Variants in MAP4K4 observed in about 807,000 individuals in gnomAD.
The protein encoded by MAP4K4 is HPK/GCK-like kinase HGK.
Under a neutral mutation model 189.6 loss-of-function variants are expected in MAP4K4, and 38 were observed. That is an observed-to-expected ratio of 0.20 (90% CI 0.15 to 0.26). MAP4K4 has a LOEUF of 0.26. Among genes scored for constraint, MAP4K4 ranks in the 10% least tolerant of loss-of-function variants. MAP4K4 has a pLI of 1.00. For synonymous variants in MAP4K4, 610 were observed against 624.3 expected, an observed-to-expected ratio of 0.98 and a Z score of 0.34; for missense variants, 1,054 against 1,726.9, an observed-to-expected ratio of 0.61 and a Z score of 6.91.
intron 2 of MAP4K4, among the ~76,000 whole-genome samples, chr2:101,759,142 G>GAAA (rs11424551): frequency 1.4e-5 from 2 of 142,928 alleles, no homozygotes; most frequent in Non-Finnish European, 3.0e-5. Context: ...CAAAAAAAAA[G>GAAA]AAAAAAAAAA....
intron 27 of MAP4K4, among the ~76,000 whole-genome samples, chr2:101,880,974 CT>C (rs2098371475): frequency 6.6e-6 from 1 of 152,040 alleles, no homozygotes; most frequent in Admixed American, 6.5e-5. Flanking sequence ...TGTGTTGGGT[CT>C]TTTGCCTCTA....
At chr2:101,892,524 G>C (rs1040510108) in exon 33 of MAP4K4, 1 of 207,816 alleles carries the variant, frequency 4.8e-6, no homozygotes, top group African/African-American at 2.4e-5. Flanking sequence ...GCAGACAGGT[G>C]GTTACATTAG....
At chr2:101,760,959 C>T (rs779611006) in intron 2 of MAP4K4, among the ~76,000 whole-genome samples, 16 of 152,056 alleles carry the variant, frequency 1.1e-4, no homozygotes, top group South Asian at 4.1e-4. Context: ...ACTGAGATCG[C>T]GCCATTGCAC....
At position 101,725,387 on chromosome 2, in the gene MAP4K4, C is replaced by CAAA. The variant is rs547130880; in HGVS notation, c.123+26860_123+26862dup. Reference sequence around the variant, plus strand: ...GAACTTTTCCAGACTAAAAGATAAGCAAAAAAAAAAAAACAAAAACAAAAA... The same window carrying CAAA: ...GAACTTTTCCAGACTAAAAGATAAGCAAAAAAAAAAAAAAAACAAAAACAAAAA... On this transcript the variant is annotated intron_variant, in intron 2 of 32. Transcript: ENST00000324219. Among the ~76,000 whole-genome samples, 389 of 110,898 alleles carry CAAA rather than the reference C, an allele frequency of 3.5e-3. 1 individual carries two copies. Among genetic ancestry groups the CAAA allele is most frequent in the African/African-American group, 8.0e-3 (239 of 30,042 alleles). The allele number at this position is 110,898 out of a possible 152,430, so 72.8% of individuals were successfully genotyped here. A position where few individuals can be genotyped will look rare whatever the true frequency, so the allele number is the denominator to read the frequency against.
chr2:101,890,644 A>G (rs2098552663), intron 32 of MAP4K4, among the ~76,000 whole-genome samples: 1 of 150,544 alleles, frequency 6.6e-6, no homozygotes, highest in Middle Eastern at 3.3e-3. Context: ...TTTAGTAGAG[A>G]TGCGGTTTCA....
chr2:101,816,711 A>C (rs115843323), intron 3 of MAP4K4, among the ~76,000 whole-genome samples: 24 of 152,308 alleles, frequency 1.6e-4, no homozygotes, highest in African/African-American at 5.5e-4. Context: ...CTGGATTGGT[A>C]CATCATAGTA....
At chr2:101,774,382 CTT>C (rs2082947029) in intron 2 of MAP4K4, among the ~76,000 whole-genome samples, 1 of 152,162 alleles carries the variant, frequency 6.6e-6, no homozygotes, top group African/African-American at 2.4e-5. Context: ...CTGTTGAAGT[CTT>C]TTGCCCATTT....
intron 2 of MAP4K4, among the ~76,000 whole-genome samples, chr2:101,775,712 A>G (rs2083727036): frequency 1.3e-5 from 2 of 152,196 alleles, no homozygotes; most frequent in Non-Finnish European, 2.9e-5. Flanking sequence ...GGGTGACCAT[A>G]ACCTTCTGTG....
At chr2:101,885,529 A>G (rs765168919) in intron 29 of MAP4K4, among the ~76,000 whole-genome samples, 14 of 152,242 alleles carry the variant, frequency 9.2e-5, no homozygotes, top group Admixed American at 5.2e-4. Flanking sequence ...CGATGTGGCA[A>G]TGTGTTCACA....
chr2:101,816,061 C>T (rs552606247), intron 3 of MAP4K4, among the ~76,000 whole-genome samples: 1 of 152,142 alleles, frequency 6.6e-6, no homozygotes, highest in Non-Finnish European at 1.5e-5. Context: ...CTCAGAGACT[C>T]CTCTGGGCGC....
intron 7 of MAP4K4, among the ~76,000 whole-genome samples, chr2:101,833,785 T>A (rs1052150302): frequency 3.9e-5 from 6 of 152,166 alleles, no homozygotes; most frequent in African/African-American, 1.4e-4. Flanking sequence ...TTAAATTTAG[T>A]ATTTCAGGGG....
intron 2 of MAP4K4, among the ~76,000 whole-genome samples, chr2:101,775,749 C>T (rs545117288): frequency 6.6e-6 from 1 of 152,312 alleles, no homozygotes; most frequent in Admixed American, 6.5e-5. Flanking sequence ...TGGTTCACAC[C>T]TGGTTTCCTG....
At position 101,867,967 on chromosome 2, in the gene MAP4K4, G is replaced by A. The variant is rs957437004; in HGVS notation, c.2455-62G>A. ...CCCCTTCTTTCTCCCGCGCTTCCTT[G>A]TACTGTGCATTCCTCATCAACGATG... is the stretch of plus-strand genomic sequence containing the variant. On this transcript the variant is annotated intron_variant, in intron 20 of 32. Transcript: ENST00000324219. The A allele has an allele frequency of 5.1e-6, 8 of 1,581,608 alleles. No homozygotes were observed. The African/African-American group carries it at 1.1e-4, about 21-fold the overall frequency.
chr2:101,761,207 T>C (rs1160636716), intron 2 of MAP4K4, among the ~76,000 whole-genome samples: 1 of 152,260 alleles, frequency 6.6e-6, no homozygotes, highest in African/African-American at 2.4e-5. Flanking sequence ...ACTATCATTG[T>C]AATGTGATTT....
chr2:101,855,256 G>T (rs1298986662), intron 12 of MAP4K4, among the ~76,000 whole-genome samples: 1 of 152,178 alleles, frequency 6.6e-6, no homozygotes, highest in Non-Finnish European at 1.5e-5. Flanking sequence ...GGCCGTAGAG[G>T]CAGAGCAGCT....
At chr2:101,790,178 G>T (rs750270917) in intron 2 of MAP4K4, among the ~76,000 whole-genome samples, 1 of 152,080 alleles carries the variant, frequency 6.6e-6, no homozygotes, top group African/African-American at 2.4e-5. Context: ...TAATTCTTGC[G>T]AAGTAAAGTA....
intron 12 of MAP4K4, among the ~76,000 whole-genome samples, chr2:101,844,905 G>A (rs983166153): frequency 1.3e-5 from 2 of 152,022 alleles, no homozygotes; most frequent in Non-Finnish European, 2.9e-5. Context: ...ACCACGTTCT[G>A]CAGTGTATCC....
chr2:101,874,098 T>C, exon 26 of MAP4K4: 1 of 1,613,362 alleles, frequency 6.2e-7, no homozygotes, highest in Non-Finnish European at 8.5e-7. Context: ...TTTCCTGTGA[T>C]GGGATGAGAC....
At chr2:101,760,786 C>T (rs1176585375) in intron 2 of MAP4K4, among the ~76,000 whole-genome samples, 2 of 152,104 alleles carry the variant, frequency 1.3e-5, no homozygotes, top group South Asian at 2.1e-4. Flanking sequence ...GGCGGATCAC[C>T]TGAGGTTGGG....
Sources: allele counts gnomAD v4.1 joint callset (sites outside exome capture counted in the v4.1 genomes callset), GRCh38; gene constraint gnomAD v4.1.1; transcripts MANE v1.5; gene names NCBI Gene and HGNC (gene_info 2026-07-23, HGNC 2026-07-21).